Variants in HLCS observed in about 807,000 individuals in gnomAD.
The protein encoded by HLCS is biotin--protein ligase.
A neutral mutation model predicts 75.0 loss-of-function variants in HLCS; 53 were observed. That is an observed-to-expected ratio of 0.71 (90% CI 0.57 to 0.89). The LOEUF is 0.89. Ranked by LOEUF, HLCS falls within the 40% of genes least tolerant of loss-of-function variation. The pLI, the probability that HLCS is intolerant of heterozygous loss-of-function variation, is 0.00. For synonymous variants in HLCS, 431 were observed against 428.6 expected (o/e 1.01, Z -0.07); for missense variants, 966 against 1,074.0 (o/e 0.90, Z 1.41).
At chr21:36,956,517 A>T (rs1266309992) in intron 2 of HLCS, among the ~76,000 whole-genome samples, 1 of 152,174 alleles carries the variant, frequency 6.6e-6, no homozygotes, top group African/African-American at 2.4e-5. Context: ...TCACAAGGTC[A>T]GGAGATCAAG....
intron 1 of HLCS, among the ~76,000 whole-genome samples, chr21:36,976,806 C>T (rs1246538625): frequency 6.6e-6 from 1 of 152,008 alleles, no homozygotes; most frequent in African/African-American, 2.4e-5. Context: ...TCCCCTCTTC[C>T]GAACCAGCCA....
intron 6 of HLCS, among the ~76,000 whole-genome samples, chr21:36,776,854 T>C (rs780700565): frequency 2.0e-5 from 3 of 152,258 alleles, no homozygotes; most frequent in Non-Finnish European, 4.4e-5. Context: ...CAGCCATGCC[T>C]GTGTCTCAAC....
At chr21:36,888,432 T>TAA (rs1191691491) in intron 6 of HLCS, among the ~76,000 whole-genome samples, 539 of 23,660 alleles carry the variant, frequency 0.023, 18 homozygotes, top group East Asian at 0.043. Flanking sequence ...CCTTCCCATT[T>TAA]AAAAAAAAAA....
chr21:36,921,446 G>C (rs1337892392), intron 5 of HLCS, among the ~76,000 whole-genome samples: 3 of 151,790 alleles, frequency 2.0e-5, no homozygotes, highest in Non-Finnish European at 2.9e-5. Context: ...CTGTCTCAAA[G>C]AAAAAGAAAA....
rs971766411 is a variant in HLCS at position 36,966,668 on chromosome 21, T to TTGCCCGCCC, written c.-31_-30insGGGCGGGCA. ...GCGCCGCCGGCAGGGCGAGCCCGCC[T>TTGCCCGCCC]TGCCCGCCCGCCCCAGCGCCCCAGG... On this transcript the variant is annotated 5_prime_UTR_variant, in exon 1 of 11. Transcript: ENST00000674895. 4.0e-5 allele frequency: 39 copies of TTGCCCGCCC among 963,232 alleles called. No homozygotes were observed. Among genetic ancestry groups the TTGCCCGCCC allele is most frequent in the Non-Finnish European group, 4.5e-5 (37 of 813,240 alleles). The allele number at this position is 963,232 out of a possible 1,614,324, so 59.7% of individuals were successfully genotyped here. A position where few individuals can be genotyped will look rare whatever the true frequency, so the allele number is the denominator to read the frequency against.
rs368691347 is a variant in HLCS, at chr21:36,954,992, C to T, written c.330+7044G>A. 3.2e-4 allele frequency among the ~76,000 whole-genome samples: 48 copies of T among 152,138 alleles called. No individual in the cohort carries two copies. The East Asian group carries it at 6.0e-3, about 19-fold the overall frequency. On this transcript the variant is annotated intron_variant, in intron 2 of 10. Coordinates refer to ENST00000674895, the MANE Select transcript of HLCS (RefSeq NM_001352514.2). ...CAGGAGAATTGCTGGAACCTGGGGC[C>T]GGAGGTTGCAATGAGCCAAGATAGT...
chr21:36,782,906 C>T (rs918725331), intron 6 of HLCS, among the ~76,000 whole-genome samples: 1 of 151,350 alleles, frequency 6.6e-6, no homozygotes. Context: ...ATCACTTGAA[C>T]TTGGGAGGCA....
chr21:36,957,190 C>G (rs145313167), intron 2 of HLCS, among the ~76,000 whole-genome samples: 73 of 152,078 alleles, frequency 4.8e-4, no homozygotes, highest in Non-Finnish European at 9.0e-4. Flanking sequence ...GTAATGGGAA[C>G]AGATCCCTCA....
chr21:36,880,727 TTAG>T (rs1284568978), intron 6 of HLCS, among the ~76,000 whole-genome samples: 24 of 152,246 alleles, frequency 1.6e-4, no homozygotes, highest in African/African-American at 5.5e-4. Context: ...CTATACTATG[TTAG>T]TAAGTCAAAT....
At chr21:36,910,129 G>T (rs935418599) in intron 5 of HLCS, among the ~76,000 whole-genome samples, 1 of 152,158 alleles carries the variant, frequency 6.6e-6, no homozygotes, top group Non-Finnish European at 1.5e-5. Flanking sequence ...TTTATATGAC[G>T]CAATCCAATT....
chr21:36,783,651 A>G (rs2060598522), intron 6 of HLCS, among the ~76,000 whole-genome samples: 1 of 152,196 alleles, frequency 6.6e-6, no homozygotes. Context: ...CAAGACAGCC[A>G]CTTAGTGTGT....
Position 36,754,071 on chromosome 21 carries a change from C to T in HLCS, c.*175G>A. The T allele has an allele frequency of 1.3e-6, 1 of 743,362 alleles. No individual in the cohort carries two copies. Among genetic ancestry groups the T allele is most frequent in the Non-Finnish European group, 2.2e-6 (1 of 457,520 alleles). 46.0% of individuals were successfully genotyped at this position (743,362 alleles called of 1,614,324 possible). On this transcript the variant is annotated 3_prime_UTR_variant, in exon 11 of 11. Transcript: ENST00000674895. ...TTCTTAACCATCTATCCCAGAGCCT[C>T]TTCAAACACCAAAGAAAACGACAAC...
At chr21:36,910,576 G>A (rs1434512359) in intron 5 of HLCS, among the ~76,000 whole-genome samples, 3 of 151,638 alleles carry the variant, frequency 2.0e-5, no homozygotes, top group Admixed American at 6.6e-5. Context: ...TCCTGAAATA[G>A]GACTATTTTT....
At chr21:36,935,250 C>T (rs1044167556) in intron 4 of HLCS, among the ~76,000 whole-genome samples, 2 of 152,180 alleles carry the variant, frequency 1.3e-5, no homozygotes, top group African/African-American at 4.8e-5. Context: ...CCTCCAAAAG[C>T]TAATTCATGT....
chr21:36,867,626 T>A (rs559022013), intron 6 of HLCS, among the ~76,000 whole-genome samples: 3 of 152,322 alleles, frequency 2.0e-5, no homozygotes, highest in African/African-American at 7.2e-5. Context: ...AATGACCAGA[T>A]GACTGACCTA....
At chr21:36,861,825 C>T (rs77919773) in intron 6 of HLCS, among the ~76,000 whole-genome samples, 2,717 of 152,298 alleles carry the variant, frequency 0.018, 90 homozygotes, top group African/African-American at 0.061. Context: ...TAAGACTCAA[C>T]GGTCTTGATA....
chr21:36,955,393 G>C (rs1601867223), intron 2 of HLCS, among the ~76,000 whole-genome samples: 1 of 152,168 alleles, frequency 6.6e-6, no homozygotes, highest in African/African-American at 2.4e-5. Flanking sequence ...AGGAGTTGGA[G>C]ATCAGTCTAG....
At chr21:36,831,824 T>A (rs67763267) in intron 6 of HLCS, among the ~76,000 whole-genome samples, 41,167 of 152,058 alleles carry the variant, frequency 0.27, 5,794 homozygotes, top group Middle Eastern at 0.34. Context: ...AAATTTTTTT[T>A]AAATACAATT....
Position 36,777,285 on chromosome 21 carries a change from G to A in HLCS, c.1893-10000C>T, listed in dbSNP as rs148959803. ...CTCCCCGAACCCTTTGGCAACCACC[G>A]GTATTTTTACTCTCTCTATAGTTTT... On this transcript the variant is annotated intron_variant, in intron 6 of 10. Coordinates refer to ENST00000674895, the MANE Select transcript of HLCS (RefSeq NM_001352514.2). Among the ~76,000 whole-genome samples, 19 of 152,122 alleles carry A rather than the reference G, an allele frequency of 1.2e-4. No homozygotes were observed. The South Asian group carries it at 1.9e-3, about 15-fold the overall frequency.
Sources: allele counts gnomAD v4.1 joint callset (sites outside exome capture counted in the v4.1 genomes callset), GRCh38; gene constraint gnomAD v4.1.1; transcripts MANE v1.5; gene names NCBI Gene and HGNC (gene_info 2026-07-23, HGNC 2026-07-21).